The following NDUFB3 variants were observed in gnomAD, a reference collection of about 807,000 sequenced individuals.
NDUFB3 encodes the protein NADH dehydrogenase [ubiquinone] 1 beta subcomplex subunit 3.
Under a neutral mutation model 9.0 loss-of-function variants are expected in NDUFB3, and 7 were observed. That is an observed-to-expected ratio of 0.78 (90% CI 0.44 to 1.46). The LOEUF (loss-of-function observed/expected upper bound fraction) is 1.46, where lower values mean the gene tolerates loss of function less well. Ranked by LOEUF, NDUFB3 falls within the 40% of genes most tolerant of loss-of-function variation. The pLI is 0.01. For synonymous variants in NDUFB3, 29 were observed against 38.5 expected, an observed-to-expected ratio of 0.75 and a Z score of 0.91; for missense variants, 93 against 115.4, an observed-to-expected ratio of 0.81 and a Z score of 0.89.
chr2:201,074,577 C>G (rs2047139298), intron 1 of NDUFB3, among the ~76,000 whole-genome samples: 2 of 151,988 alleles, frequency 1.3e-5, no homozygotes, highest in Middle Eastern at 6.8e-3. Context: ...ATTCCTCAGC[C>G]TCCTGAGTAG....
Position 201,078,902 on chromosome 2 carries a change from A to C in NDUFB3, c.20A>C (p.His7Pro), listed in dbSNP as rs778982161. The change falls in exon 2 of 3, where the codon CAT (histidine) becomes CCT (proline). Residue 7 changes from histidine to proline, a missense_variant. His to Pro is a moderately conservative substitution (Grantham distance 77). Coordinates refer to ENST00000237889, the MANE Select transcript of NDUFB3 (RefSeq NM_002491.3). MAHEHG[H>P]EHGHHKMELP... Reference sequence around the variant, plus strand: ...ACAGACATGGCCCATGAACATGGACATGAGCATGGACATCATAAAATGGAA... The same window carrying C: ...ACAGACATGGCCCATGAACATGGACCTGAGCATGGACATCATAAAATGGAA... 1 of 1,611,398 alleles carries C rather than the reference A, an allele frequency of 6.2e-7. No homozygotes were observed. Among genetic ancestry groups the C allele is most frequent in the Non-Finnish European group, 8.5e-7 (1 of 1,179,594 alleles).
At chr2:201,082,465 G>C (rs953730608) in intron 2 of NDUFB3, among the ~76,000 whole-genome samples, 1 of 151,202 alleles carries the variant, frequency 6.6e-6, no homozygotes, top group Admixed American at 6.6e-5. Context: ...AGGTTTTCCT[G>C]TGTTGCCCAG....
chr2:201,075,362 G>A (rs1575542179), intron 1 of NDUFB3, among the ~76,000 whole-genome samples: 1 of 151,888 alleles, frequency 6.6e-6, no homozygotes, highest in East Asian at 1.9e-4. Flanking sequence ...TCAGGAGATC[G>A]AGACCATCCT....
In NDUFB3 at chr2:201,081,176, T is replaced by C. The variant is rs75682873; in HGVS notation, c.140+2154T>C. ...AATGGGAATCTATTTCACATCCACA[T>C]TGAATCAGATTCCCATCAATTTAGG... On this transcript the variant is annotated intron_variant, in intron 2 of 2. Transcript: ENST00000237889. Among the ~76,000 whole-genome samples, 1,152 of 152,154 alleles carry C rather than the reference T, an allele frequency of 7.6e-3. 10 individuals carry two copies. The highest frequency in any genetic ancestry group is 0.026 in the African/African-American group (1,093 of 41,516).
intron 2 of NDUFB3, among the ~76,000 whole-genome samples, chr2:201,084,329 C>T (rs536159710): frequency 4.0e-5 from 6 of 150,592 alleles, no homozygotes; most frequent in African/African-American, 1.2e-4. Flanking sequence ...GACATGGTGG[C>T]GGGCACCTAT....
chr2:201,077,014 C>T (rs1290167192), intron 1 of NDUFB3, among the ~76,000 whole-genome samples: 3 of 151,922 alleles, frequency 2.0e-5, no homozygotes, highest in African/African-American at 7.2e-5. Context: ...GCAGGAGAAT[C>T]GCTTGAACCC....
At chr2:201,080,840 A>G (rs1361895537) in intron 2 of NDUFB3, among the ~76,000 whole-genome samples, 2 of 150,668 alleles carry the variant, frequency 1.3e-5, no homozygotes, top group Non-Finnish European at 2.9e-5. Flanking sequence ...AATAGCTGGG[A>G]CTACAGGTGC....
chr2:201,076,484 AATATAT>A (rs561737388), intron 1 of NDUFB3, among the ~76,000 whole-genome samples: 2,288 of 120,078 alleles, frequency 0.019, 129 homozygotes, highest in African/African-American at 0.068. Flanking sequence ...TCTATCTTTA[AATATAT>A]ATATATATAT....
intron 2 of NDUFB3, among the ~76,000 whole-genome samples, chr2:201,080,572 GA>G (rs988007822): frequency 4.0e-5 from 6 of 149,734 alleles, no homozygotes; most frequent in African/African-American, 1.5e-4. Flanking sequence ...CTTGCCTCAA[GA>G]AAAAAAAATC....
rs757006150 is a variant in NDUFB3 at position 201,085,674 on chromosome 2, C to T, written c.*59C>T. 28 of 1,443,454 alleles carry T rather than the reference C, an allele frequency of 1.9e-5. No individual in the cohort carries two copies. Among genetic ancestry groups the T allele is most frequent in the Non-Finnish European group, 2.2e-5 (23 of 1,056,528 alleles). The allele number at this position is 1,443,454 out of a possible 1,614,324, so 89.4% of individuals were successfully genotyped here. ...AACTCTCCAAAATAAGATTTCTTCT[C>T]TGTAGCCTACTTGTCTGGTTTATCC... On this transcript the variant is annotated 3_prime_UTR_variant, in exon 3 of 3. Coordinates refer to ENST00000237889, the MANE Select transcript of NDUFB3 (RefSeq NM_002491.3).
chr2:201,078,816 T>C (rs2047193537), intron 1 of NDUFB3, 65 bp from the exon 2 acceptor site: 2 of 1,437,302 alleles, frequency 1.4e-6, no homozygotes, highest in South Asian at 1.3e-5. Flanking sequence ...ACATAAACAA[T>C]AAATTTGGGT....
At chr2:201,080,849 G>C (rs1309759376) in intron 2 of NDUFB3, among the ~76,000 whole-genome samples, 2 of 151,430 alleles carry the variant, frequency 1.3e-5, no homozygotes, top group Non-Finnish European at 2.9e-5. Context: ...GACTACAGGT[G>C]CCTGCCACCA....
chr2:201,080,386 C>T (rs771995309), intron 2 of NDUFB3, among the ~76,000 whole-genome samples: 2 of 151,974 alleles, frequency 1.3e-5, no homozygotes, highest in African/African-American at 2.4e-5. Flanking sequence ...CTAGGCAGTA[C>T]AGGGAGACTT....
At chr2:201,073,767 T>A (rs534952911) in intron 1 of NDUFB3, among the ~76,000 whole-genome samples, 5 of 150,748 alleles carry the variant, frequency 3.3e-5, no homozygotes, top group Admixed American at 1.3e-4. Flanking sequence ...TGATACTCCA[T>A]CTCAAAAAAA....
rs556193334 is a variant in NDUFB3, at chr2:201,076,464, A to G, written c.-2-2417A>G. Among the ~76,000 whole-genome samples, 22 of 138,276 alleles carry G rather than the reference A, an allele frequency of 1.6e-4. No individual in the cohort carries two copies. The East Asian group carries it at 4.1e-3, about 26-fold the overall frequency. 90.7% of individuals were successfully genotyped at this position (138,276 alleles called of 152,430 possible). A position where few individuals can be genotyped will look rare whatever the true frequency, so the allele number is the denominator to read the frequency against. On this transcript the variant is annotated intron_variant, in intron 1 of 2. Transcript: ENST00000237889. ...GAGGCTGCAGTGAGCTATGATCCAG[A>G]GCAAGACCCTCTATCTTTAAATATA... is the stretch of plus-strand genomic sequence containing the variant.
chr2:201,078,680 T>A lies in NDUFB3; in HGVS notation c.-2-201T>A, dbSNP rs540436295. On this transcript the variant is annotated intron_variant, in intron 1 of 2. Transcript: ENST00000237889. ...CCAATTATTTTTCTTTTTTATATTT[T>A]GTGTATGTGTATTTCCTAACTGTGA... Among the ~76,000 whole-genome samples, 6 of 152,344 alleles carry A rather than the reference T, an allele frequency of 3.9e-5. No individual in the cohort carries two copies. In the East Asian group the frequency reaches 1.2e-3, roughly 29 times the overall value.
chr2:201,077,299 A>G (rs2047174162), intron 1 of NDUFB3, among the ~76,000 whole-genome samples: 1 of 152,164 alleles, frequency 6.6e-6, no homozygotes, highest in Non-Finnish European at 1.5e-5. Context: ...TACACAAATT[A>G]TAGTATAGTG....
chr2:201,078,343 A>G lies in NDUFB3; in HGVS notation c.-2-538A>G, dbSNP rs118016483. Among the ~76,000 whole-genome samples the G allele has an allele frequency of 3.6e-3, 551 of 152,222 alleles. 14 individuals carry two copies. The East Asian group carries it at 0.079, about 22-fold the overall frequency. On this transcript the variant is annotated intron_variant, in intron 1 of 2. Transcript: ENST00000237889. The stretch of plus-strand genomic sequence containing the variant: ...AAGAAGTTAGGAGCAGGGTTCTAAA[A>G]CCAAACTGCAAGGTTCTAATCCCAG...
At chr2:201,074,781 A>G (rs1169493001) in intron 1 of NDUFB3, among the ~76,000 whole-genome samples, 2 of 152,142 alleles carry the variant, frequency 1.3e-5, no homozygotes, top group Non-Finnish European at 1.5e-5. Context: ...AGGTCTTGCC[A>G]GTTTTTCAGA....
Sources: allele counts gnomAD v4.1 joint callset (sites outside exome capture counted in the v4.1 genomes callset), GRCh38; gene constraint gnomAD v4.1.1; transcripts MANE v1.5; gene names NCBI Gene and HGNC (gene_info 2026-07-23, HGNC 2026-07-21).